The following ABHD3 variants were observed in gnomAD, a reference collection of about 807,000 sequenced individuals.
ABHD3 encodes the protein phospholipase ABHD3.
ABHD3 carries 46 observed loss-of-function variants against 48.8 expected under a neutral mutation model. The observed-to-expected ratio is 0.94, with a 90% CI of 0.74 to 1.20. The LOEUF (loss-of-function observed/expected upper bound fraction) is 1.20. Among genes scored for constraint, ABHD3 ranks in the 50% most tolerant of loss-of-function variants. The probability of loss-of-function intolerance (pLI) is 0.00; values close to 1 mark genes in which losing one functional copy is unlikely to be tolerated. For missense variants in ABHD3, 490 were observed against 497.8 expected (o/e 0.98, Z 0.15); for synonymous variants, 192 against 183.7 (o/e 1.04, Z -0.36).
At chr18:21,703,228 C>CCCCCCCCCCCCCCCT in intron 2 of ABHD3, among the ~76,000 whole-genome samples, 1 of 132,956 alleles carries the variant, frequency 7.5e-6, no homozygotes, top group Admixed American at 7.4e-5. Flanking sequence ...ACCCCCCCCC[C>CCCCCCCCCCCCCCCT]CAGTATCTGC....
chr18:21,659,085 C>A, intron 6 of ABHD3, 85 bp downstream of exon 6: 1 of 1,369,254 alleles, frequency 7.3e-7, no homozygotes, highest in Non-Finnish European at 9.9e-7. Flanking sequence ...GTGATCCCCC[C>A]GCCTCAGCCT....
At chr18:21,669,110 G>A (rs1011517298) in intron 4 of ABHD3, among the ~76,000 whole-genome samples, 4 of 152,116 alleles carry the variant, frequency 2.6e-5, no homozygotes, top group Admixed American at 1.3e-4. Flanking sequence ...TTAGCCAGGT[G>A]TGGTGGAGGA....
intron 5 of ABHD3, among the ~76,000 whole-genome samples, chr18:21,661,359 C>G (rs368043021): frequency 6.6e-6 from 1 of 152,010 alleles, no homozygotes; most frequent in Non-Finnish European, 1.5e-5. Flanking sequence ...AAACTCCAGC[C>G]GGGCGCAGTG....
At chr18:21,681,655 A>C (rs1598541683) in intron 4 of ABHD3, among the ~76,000 whole-genome samples, 2 of 152,248 alleles carry the variant, frequency 1.3e-5, no homozygotes, top group East Asian at 3.9e-4. Context: ...GGTTCTTAGG[A>C]GTCTACATGT....
At chr18:21,699,205 C>T (rs139281574) in intron 3 of ABHD3, among the ~76,000 whole-genome samples, 58 of 152,256 alleles carry the variant, frequency 3.8e-4, no homozygotes, top group Non-Finnish European at 7.5e-4. Context: ...TGGGCGACCA[C>T]ACCTGGCCTA....
intron 4 of ABHD3, among the ~76,000 whole-genome samples, chr18:21,680,856 G>GTA (rs145965623): frequency 0.32 from 46,866 of 147,248 alleles, 7,657 homozygotes; most frequent in East Asian, 0.46. Flanking sequence ...TTTCAAATGT[G>GTA]TGTGTGTGTG....
intron 3 of ABHD3, among the ~76,000 whole-genome samples, chr18:21,684,669 G>A: frequency 6.6e-6 from 1 of 152,074 alleles, no homozygotes. Flanking sequence ...TCTACCCATT[G>A]CATTTGTAAC....
At chr18:21,675,551 G>A (rs1453177270) in intron 4 of ABHD3, among the ~76,000 whole-genome samples, 1 of 152,036 alleles carries the variant, frequency 6.6e-6, no homozygotes, top group South Asian at 2.1e-4. Flanking sequence ...ACAGGTATGA[G>A]TCACCGCACC....
intron 4 of ABHD3, among the ~76,000 whole-genome samples, chr18:21,667,260 T>TC (rs1195667147): frequency 5.7e-5 from 8 of 140,008 alleles, no homozygotes; most frequent in Non-Finnish European, 1.1e-4. Context: ...TTTTTTTTTT[T>TC]TGAGACGGAG....
intron 4 of ABHD3, among the ~76,000 whole-genome samples, chr18:21,669,631 T>G (rs2146298427): frequency 6.6e-6 from 1 of 152,284 alleles, no homozygotes; most frequent in South Asian, 2.1e-4. Context: ...CTACCAGTAC[T>G]TCAGACTCAA....
chr18:21,664,169 T>C lies in ABHD3; in HGVS notation c.617A>G (p.His206Arg). Residue 206 changes from histidine (H) to arginine (R), a missense_variant, in exon 5 of 9, where the codon CAC (histidine) becomes CGC (arginine). His to Arg is a conservative substitution (Grantham distance 29, BLOSUM62 0). Coordinates refer to ENST00000289119, the MANE Select transcript of ABHD3 (RefSeq NM_138340.5). Reference sequence around the variant, plus strand: ...GAAAGGAGCAGAAGGGTACAGGCTGTGTACATGGTGAATAACTGTCTCCAA... The same window carrying C: ...GAAAGGAGCAGAAGGGTACAGGCTGCGTACATGGTGAATAACTGTCTCCAA... ...EDLETVIHHV[H>R]SLYPSAPFLA... 1.2e-6 allele frequency: 2 copies of C among 1,614,114 alleles called. No homozygotes were observed. The highest frequency in any genetic ancestry group is 1.1e-5 in the South Asian group (1 of 91,078).
chr18:21,684,749 C>T (rs2040093131), intron 3 of ABHD3, among the ~76,000 whole-genome samples: 1 of 152,116 alleles, frequency 6.6e-6, no homozygotes, highest in African/African-American at 2.4e-5. Flanking sequence ...ACATGGACAC[C>T]AGAATTTTAC....
chr18:21,663,624 C>G (rs2039551204), intron 5 of ABHD3: 1 of 1,514,836 alleles, frequency 6.6e-7, no homozygotes. Context: ...TAGGAGAGCA[C>G]TCCACAGTAG....
intron 3 of ABHD3, among the ~76,000 whole-genome samples, chr18:21,700,088 T>TTTTA (rs1435444397): frequency 2.0e-5 from 3 of 146,512 alleles, no homozygotes; most frequent in Admixed American, 6.7e-5. Context: ...ATTTATTTAT[T>TTTTA]TTTATTTATT....
At position 21,669,343 on chromosome 18, in the gene ABHD3, T is replaced by C. The variant is rs1253353421; in HGVS notation, c.556-5113A>G. Among the ~76,000 whole-genome samples, 3 of 152,272 alleles carry C rather than the reference T, an allele frequency of 2.0e-5. No homozygotes were observed. In the East Asian group the frequency reaches 5.8e-4, roughly 29 times the overall value. On this transcript the variant is annotated intron_variant, in intron 4 of 8. Transcript: ENST00000289119. ...CCATCATAGTCGGCCTCCTGCTAGC[T>C]CCTCCCCTGGCGGCTCTGCTAGCTT...
At chr18:21,693,999 A>G (rs1423608626) in intron 3 of ABHD3, among the ~76,000 whole-genome samples, 2 of 152,178 alleles carry the variant, frequency 1.3e-5, no homozygotes, top group Non-Finnish European at 2.9e-5. Context: ...AGGCACCTCT[A>G]ATGCTGCAGG....
chr18:21,688,189 A>C (rs1434769039), intron 3 of ABHD3, among the ~76,000 whole-genome samples: 1 of 152,194 alleles, frequency 6.6e-6, no homozygotes, highest in Non-Finnish European at 1.5e-5. Flanking sequence ...CACCTAAGAA[A>C]AGCAGTGAAA....
chr18:21,686,135 G>A (rs953554116), intron 3 of ABHD3, among the ~76,000 whole-genome samples: 3 of 152,228 alleles, frequency 2.0e-5, no homozygotes, highest in Non-Finnish European at 4.4e-5. Flanking sequence ...GAGCCACTGT[G>A]CCTGGCCAGA....
At chr18:21,704,454 C>CCCTA in intron 1 of ABHD3, 50 bp downstream of exon 1, 1 of 1,305,760 alleles carries the variant, frequency 7.7e-7, no homozygotes, top group Non-Finnish European at 9.8e-7. Context: ...GCGCCTGCTA[C>CCCTA]CCTAGCTCCT....
Sources: gnomAD v4.1 joint callset for allele counts (sites outside exome capture counted in the v4.1 genomes callset) on GRCh38, gnomAD v4.1.1 for gene constraint, MANE v1.5 for transcripts, NCBI Gene and HGNC (gene_info 2026-07-23, HGNC 2026-07-21) for gene names.